TAFA5: variants seen among roughly 807,000 people sequenced by gnomAD.
TAFA5 encodes the protein chemokine-like protein TAFA-5.
A neutral mutation model predicts 15.3 loss-of-function variants in TAFA5; 6 were observed. That is an observed-to-expected ratio of 0.39 (90% CI 0.21 to 0.77). TAFA5 has a LOEUF of 0.77. Among genes scored for constraint, TAFA5 ranks in the 30% least tolerant of loss-of-function variants. The pLI, the probability that TAFA5 is intolerant of heterozygous loss-of-function variation, is 0.41. For synonymous variants in TAFA5, 103 were observed against 80.7 expected (o/e 1.28, Z -1.48); for missense variants, 161 against 193.1 (o/e 0.83, Z 0.98).
chr22:48,496,690 G>A (rs928275290), intron 1 of TAFA5, among the ~76,000 whole-genome samples: 1 of 152,168 alleles, frequency 6.6e-6, no homozygotes, highest in South Asian at 2.1e-4. Context: ...CGTTTAGGGC[G>A]CTGTGTGGTC....
intron 3 of TAFA5, among the ~76,000 whole-genome samples, chr22:48,714,414 T>A (rs556511261): frequency 6.6e-6 from 1 of 152,236 alleles, no homozygotes; most frequent in Admixed American, 6.5e-5. Flanking sequence ...GACGGCCTCC[T>A]CCCAGCGCTG....
At chr22:48,522,458 A>C (rs1921636395) in intron 1 of TAFA5, among the ~76,000 whole-genome samples, 1 of 151,856 alleles carries the variant, frequency 6.6e-6, no homozygotes, top group Non-Finnish European at 1.5e-5. Flanking sequence ...TCCCTCCCTC[A>C]GTGGCTGGTG....
intron 2 of TAFA5, among the ~76,000 whole-genome samples, chr22:48,689,010 A>T (rs892414397): frequency 4.2e-5 from 5 of 118,288 alleles, no homozygotes; most frequent in Non-Finnish European, 7.9e-5. Context: ...AAAAAAAAAA[A>T]AGAGAGAGAA....
chr22:48,751,459 A>AT lies in TAFA5; in HGVS notation c.*1613dup, dbSNP rs1369957434. On this transcript the variant is annotated 3_prime_UTR_variant, in exon 4 of 4. Coordinates refer to ENST00000402357, the MANE Select transcript of TAFA5 (RefSeq NM_001082967.3). Reference sequence around the variant, plus strand: ...TATACTACCTATGAGTCCAATTAACATGAGTATTATGCTAGTTCTATCCTA... The same window carrying AT: ...TATACTACCTATGAGTCCAATTAACATTGAGTATTATGCTAGTTCTATCCTA... The AT allele has an allele frequency of 6.6e-6, 1 of 152,454 alleles. No individual in the cohort carries two copies. Among genetic ancestry groups the AT allele is most frequent in the Non-Finnish European group, 1.5e-5 (1 of 68,038 alleles). 9.4% of individuals were successfully genotyped at this position (152,454 alleles called of 1,614,324 possible).
chr22:48,710,333 G>A (rs1481988581), intron 3 of TAFA5, among the ~76,000 whole-genome samples: 1 of 152,136 alleles, frequency 6.6e-6, no homozygotes, highest in Non-Finnish European at 1.5e-5. Context: ...CAGCTTCATG[G>A]TGTTTTCCTT....
intron 1 of TAFA5, among the ~76,000 whole-genome samples, chr22:48,565,968 A>ATGGG (rs1211099093): frequency 1.3e-5 from 2 of 152,030 alleles, no homozygotes; most frequent in Non-Finnish European, 2.9e-5. Flanking sequence ...AGCTGGGTGG[A>ATGGG]TGGGTGGATG....
chr22:48,537,343 G>A (rs1309346383), intron 1 of TAFA5, among the ~76,000 whole-genome samples: 1 of 152,224 alleles, frequency 6.6e-6, no homozygotes, highest in East Asian at 1.9e-4. Flanking sequence ...GAGAGACGGG[G>A]TCTGGCCATG....
At chr22:48,727,457 C>G (rs943679541) in intron 3 of TAFA5, among the ~76,000 whole-genome samples, 1 of 152,010 alleles carries the variant, frequency 6.6e-6, no homozygotes, top group Admixed American at 6.6e-5. Flanking sequence ...AAAGCTATCA[C>G]AAATAGAGAC....
At chr22:48,507,264 GAGA>G (rs955145108) in intron 1 of TAFA5, among the ~76,000 whole-genome samples, 1 of 151,186 alleles carries the variant, frequency 6.6e-6, no homozygotes, top group African/African-American at 2.4e-5. Context: ...GCAGTTGGAG[GAGA>G]AGGAGACAGT....
intron 1 of TAFA5, among the ~76,000 whole-genome samples, chr22:48,587,157 A>T (rs1569036784): frequency 6.6e-6 from 1 of 152,118 alleles, no homozygotes; most frequent in Non-Finnish European, 1.5e-5. Flanking sequence ...GTGGGTGGGT[A>T]GCTCTCCTTC....
intron 2 of TAFA5, among the ~76,000 whole-genome samples, chr22:48,682,996 G>A (rs1372937499): frequency 6.6e-6 from 1 of 152,180 alleles, no homozygotes; most frequent in East Asian, 1.9e-4. Context: ...TTTTAGAAAT[G>A]TACTCTATTG....
chr22:48,555,423 G>A (rs1389542330), intron 1 of TAFA5, among the ~76,000 whole-genome samples: 2 of 152,234 alleles, frequency 1.3e-5, no homozygotes, highest in South Asian at 4.1e-4. Context: ...GAGGGCGGCT[G>A]CTCCCTGATG....
intron 2 of TAFA5, among the ~76,000 whole-genome samples, chr22:48,685,569 C>A (rs1205716811): frequency 6.6e-6 from 1 of 152,144 alleles, no homozygotes; most frequent in Non-Finnish European, 1.5e-5. Flanking sequence ...CTTATGATCT[C>A]TCTTTTAATG....
Position 48,517,051 on chromosome 22 carries a change from C to T in TAFA5, c.112+27347C>T, listed in dbSNP as rs540334960. Among the ~76,000 whole-genome samples the T allele has an allele frequency of 7.9e-5, 12 of 152,330 alleles. No homozygotes were observed. In the Middle Eastern group the frequency reaches 0.01, roughly 130 times the overall value. ...CCATGCTGTACAACCCCACAGTAGC[C>T]GAGTTCTCGTTTCCGTCACCCCACA... On this transcript the variant is annotated intron_variant, in intron 1 of 3. Coordinates refer to ENST00000402357, the MANE Select transcript of TAFA5 (RefSeq NM_001082967.3).
Position 48,504,849 on chromosome 22 carries a change from G to A in TAFA5, c.112+15145G>A, listed in dbSNP as rs376877002. ...GATCCTTGCCAGCAGCAGCTGCCAG[G>A]GCAGGGTGGGGCAGAGGGGCTGCAG... On this transcript the variant is annotated intron_variant, in intron 1 of 3. Coordinates refer to ENST00000402357, the MANE Select transcript of TAFA5 (RefSeq NM_001082967.3). Among the ~76,000 whole-genome samples the A allele has an allele frequency of 9.8e-5, 15 of 152,304 alleles. No homozygotes were observed. The East Asian group carries it at 2.9e-3, about 30-fold the overall frequency.
chr22:48,714,540 TAG>T (rs1236354440), intron 3 of TAFA5, among the ~76,000 whole-genome samples: 1 of 152,094 alleles, frequency 6.6e-6, no homozygotes, highest in East Asian at 1.9e-4. Context: ...AGGCTCATGC[TAG>T]AGAGGGAGAG....
chr22:48,607,129 G>A (rs551225595), intron 1 of TAFA5, among the ~76,000 whole-genome samples: 153 of 152,370 alleles, frequency 1.0e-3, no homozygotes, highest in African/African-American at 3.5e-3. Context: ...CGTTAGCCTC[G>A]GAGGCAGTGC....
Position 48,701,437 on chromosome 22 carries a change from C to T in TAFA5, c.263-6280C>T, listed in dbSNP as rs115875237. On this transcript the variant is annotated intron_variant, in intron 2 of 3. Coordinates refer to ENST00000402357, the MANE Select transcript of TAFA5 (RefSeq NM_001082967.3). ...GTCCACCCAGGTGCTGTGGGCCGCC[C>T]TCCTGGGACCCTGCCTGCCCGCTGG... Among the ~76,000 whole-genome samples the T allele has an allele frequency of 1.3e-3, 191 of 152,316 alleles. 1 individual carries two copies. The highest frequency in any genetic ancestry group is 4.5e-3 in the African/African-American group (188 of 41,584).
At chr22:48,671,113 T>A (rs1927790009) in intron 2 of TAFA5, among the ~76,000 whole-genome samples, 1 of 152,178 alleles carries the variant, frequency 6.6e-6, no homozygotes, top group Admixed American at 6.5e-5. Context: ...AAATCATGCC[T>A]TGGATGTTCA....
Sources: allele counts gnomAD v4.1 joint callset (sites outside exome capture counted in the v4.1 genomes callset), GRCh38; gene constraint gnomAD v4.1.1; transcripts MANE v1.5; gene names NCBI Gene and HGNC (gene_info 2026-07-23, HGNC 2026-07-21).